DMD: variants seen among roughly 807,000 people sequenced by gnomAD.
DMD encodes mutant dystrophin.
In DMD, 63 loss-of-function variants were observed where a neutral mutation model predicts 330.1. The observed-to-expected ratio is 0.19, with a 90% CI of 0.16 to 0.24. The LOEUF (loss-of-function observed/expected upper bound fraction) is 0.24, where lower values mean the gene tolerates loss of function less well. Among genes scored for constraint, DMD ranks in the 10% least tolerant of loss-of-function variants. The probability of loss-of-function intolerance (pLI) is 1.00; values close to 1 mark genes in which losing one functional copy is unlikely to be tolerated. For synonymous variants in DMD, 1,223 were observed against 959.8 expected (o/e 1.27, Z -5.07); for missense variants, 3,344 against 2,684.1 (o/e 1.25, Z -5.43).
chrX:31,385,294 TAAC>T (rs2060395457), intron 60 of DMD, among the ~76,000 whole-genome samples: 1 of 111,788 alleles, frequency 8.9e-6, no homozygotes, highest in South Asian at 3.8e-4. Context: ...CCTGCGCTGT[TAAC>T]AACTGAATCA....
intron 52 of DMD, among the ~76,000 whole-genome samples, chrX:31,724,215 A>C (rs1008344660): frequency 8.9e-6 from 1 of 112,378 alleles, no homozygotes; most frequent in Non-Finnish European, 1.9e-5. Context: ...CATCTAATAG[A>C]CAATACCTGA....
intron 61 of DMD, among the ~76,000 whole-genome samples, chrX:31,335,786 C>T (rs2057377477): frequency 8.9e-6 from 1 of 112,277 alleles, no homozygotes; most frequent in Non-Finnish European, 1.9e-5. Context: ...AATTTCATTG[C>T]CCCCTCACAG....
At chrX:32,820,173 C>A (rs780257101) in intron 5 of DMD, among the ~76,000 whole-genome samples, 2 of 112,685 alleles carry the variant, frequency 1.8e-5, no homozygotes, top group South Asian at 7.3e-4. Context: ...GGTGCGGTGG[C>A]TCACGCCTGT....
At chrX:32,061,231 A>G (rs78505592) in intron 44 of DMD, among the ~76,000 whole-genome samples, 5,845 of 110,705 alleles carry the variant, frequency 0.053, 225 homozygotes, top group East Asian at 0.29. Flanking sequence ...AAAAGAAAAG[A>G]CAGGTGGGTC....
At chrX:32,217,539 T>C (rs1713471775) in intron 43 of DMD, among the ~76,000 whole-genome samples, 2 of 111,314 alleles carry the variant, frequency 1.8e-5, no homozygotes, top group African/African-American at 6.6e-5. Context: ...TGCCTGTTCA[T>C]CAACTGAAAG....
At chrX:32,800,424 G>C (rs2076468816) in intron 7 of DMD, among the ~76,000 whole-genome samples, 1 of 111,361 alleles carries the variant, frequency 9.0e-6, no homozygotes, top group Admixed American at 9.6e-5. Flanking sequence ...ATTATCTCCT[G>C]AAAAATGCTG....
At chrX:31,401,745 C>T (rs946862997) in intron 60 of DMD, among the ~76,000 whole-genome samples, 3 of 111,124 alleles carry the variant, frequency 2.7e-5, no homozygotes, top group African/African-American at 6.6e-5. Context: ...CATAAATCTC[C>T]GTTACATATT....
rs1603628625 is a variant in DMD, at chrX:32,224,984, C to G, written c.6291-7921G>C. On this transcript the variant is annotated intron_variant, in intron 43 of 78. Coordinates refer to ENST00000357033, the MANE Select transcript of DMD (RefSeq NM_004006.3). ...TGACCTGTACCACCAACATCAACAC[C>G]TAAAGTGACCTCTTTCCCATTATAG... 3.6e-5 allele frequency among the ~76,000 whole-genome samples: 4 copies of G among 111,863 alleles called. No individual in the cohort carries two copies. In the South Asian group the frequency reaches 1.5e-3, roughly 42 times the overall value.
In DMD at chrX:32,545,221, T is replaced by A. The variant is rs2048857501; in HGVS notation, c.2106A>T (p.Glu702Asp). ...TCTTTTGGGGAGGTGGTGGTGGAAGTTCCTCTTGAGCATGCTTTACCAGGA... is the reference window on the plus strand; with the variant it reads ...TCTTTTGGGGAGGTGGTGGTGGAAGATCCTCTTGAGCATGCTTTACCAGGA... ...EQILVKHAQE[E>D]LPPPPPQKKR... The change falls in exon 17 of 79, where the codon GAA (glutamate) becomes GAT (aspartate). Residue 702 changes from glutamate to aspartate, a missense_variant. Physicochemically the swap from Glu to Asp is conservative, Grantham distance 45. Transcript: ENST00000357033. 2 of 1,210,913 alleles carry A rather than the reference T, an allele frequency of 1.7e-6. No individual in the cohort carries two copies. Among genetic ancestry groups the A allele is most frequent in the Non-Finnish European group, 2.2e-6 (2 of 894,752 alleles).
chrX:32,516,674 T>C (rs1053767940), intron 18 of DMD: 3 of 111,772 alleles, frequency 2.7e-5, no homozygotes, highest in Non-Finnish European at 5.7e-5. Flanking sequence ...TGGTCAAATA[T>C]GTAACATGAT....
intron 17 of DMD, among the ~76,000 whole-genome samples, chrX:32,525,118 C>G (rs1246013819): frequency 9.0e-6 from 1 of 111,547 alleles, no homozygotes; most frequent in Non-Finnish European, 1.9e-5. Context: ...GAACCCAATT[C>G]TTACACAATT....
intron 44 of DMD, among the ~76,000 whole-genome samples, chrX:32,083,458 C>T (rs1370171286): frequency 2.7e-5 from 3 of 110,421 alleles, no homozygotes; most frequent in Admixed American, 9.6e-5. Flanking sequence ...GGGTTTTCAC[C>T]GTGTTAGCCA....
chrX:32,111,430 A>G (rs2096588935), intron 44 of DMD, among the ~76,000 whole-genome samples: 1 of 112,173 alleles, frequency 8.9e-6, no homozygotes, highest in Non-Finnish European at 1.9e-5. Context: ...ATAAAGAACA[A>G]TGAGCCACTT....
At chrX:32,252,715 A>AAT (rs1456096644) in intron 43 of DMD, among the ~76,000 whole-genome samples, 1 of 34,170 alleles carries the variant, frequency 2.9e-5, no homozygotes, top group East Asian at 1.5e-3. Context: ...TAAATATATA[A>AAT]ATATATATAA....
intron 1 of DMD, among the ~76,000 whole-genome samples, chrX:33,327,562 A>C (rs1191155158): frequency 2.7e-5 from 3 of 111,574 alleles, no homozygotes; most frequent in African/African-American, 9.8e-5. Context: ...ACAATGAATA[A>C]AATCAAGGCC....
intron 7 of DMD, among the ~76,000 whole-genome samples, chrX:32,737,850 A>G (rs149206344): frequency 0.012 from 1,390 of 111,858 alleles, 15 homozygotes; most frequent in Non-Finnish European, 0.019. Flanking sequence ...TCTACTACTC[A>G]CAAACTCATT....
At chrX:32,590,356 T>C (rs181628875) in intron 13 of DMD, among the ~76,000 whole-genome samples, 1 of 111,947 alleles carries the variant, frequency 8.9e-6, no homozygotes, top group East Asian at 2.8e-4. Context: ...AGAATACTTG[T>C]TGTGACGGTT....
At chrX:31,449,564 T>C (rs954606077) in intron 59 of DMD, among the ~76,000 whole-genome samples, 1 of 107,941 alleles carries the variant, frequency 9.3e-6, no homozygotes, top group African/African-American at 3.4e-5. Flanking sequence ...GAATCTAAAC[T>C]GGATTAGGAG....
intron 30 of DMD, among the ~76,000 whole-genome samples, chrX:32,400,830 G>C (rs1469001890): frequency 9.3e-6 from 1 of 107,698 alleles, no homozygotes; most frequent in African/African-American, 3.4e-5. Flanking sequence ...CCCATTACTG[G>C]GTATATACCC....
Sources: gnomAD v4.1 joint callset for allele counts (sites outside exome capture counted in the v4.1 genomes callset) on GRCh38, gnomAD v4.1.1 for gene constraint, MANE v1.5 for transcripts, NCBI Gene and HGNC (gene_info 2026-07-23, HGNC 2026-07-21) for gene names.